Variants in LRRC73 observed in about 807,000 individuals in gnomAD.
The protein encoded by LRRC73 is leucine rich repeat containing 73.
Under a neutral mutation model 26.4 loss-of-function variants are expected in LRRC73, and 16 were observed. The observed-to-expected ratio is 0.61, with a 90% confidence interval of 0.41 to 0.92. The LOEUF (loss-of-function observed/expected upper bound fraction) is 0.92, where lower values mean the gene tolerates loss of function less well. LRRC73 is among the 40% of genes least tolerant of loss of function. The pLI is 0.00. For synonymous variants in LRRC73, 210 were observed against 179.8 expected (o/e 1.17, Z -1.34); for missense variants, 344 against 416.3 (o/e 0.83, Z 1.51).
At chr6:43,507,381 A>C (rs1220431977) in intron 5 of LRRC73, 73 bp from the exon 6 acceptor site, 1 of 1,608,640 alleles carries the variant, frequency 6.2e-7, no homozygotes, top group Non-Finnish European at 8.5e-7. Flanking sequence ...GTGAGAGCCT[A>C]GGTTCTGCAC....
chr6:43,508,953 G>GT, intron 1 of LRRC73, 33 bp from the exon 2 acceptor site: 1 of 1,546,330 alleles, frequency 6.5e-7, no homozygotes, highest in Non-Finnish European at 8.7e-7. Context: ...GGTTACTGCA[G>GT]TCCTCCGCAC....
At chr6:43,509,669 G>A (rs759838744) in exon 1 of LRRC73, 4 of 1,593,424 alleles carry the variant, frequency 2.5e-6, no homozygotes, top group Non-Finnish European at 3.4e-6. Flanking sequence ...GGTCGCAGAG[G>A]CGGCAGCCGC....
chr6:43,507,062 T>C, exon 6 of LRRC73: 1 of 659,126 alleles, frequency 1.5e-6, no homozygotes, highest in Non-Finnish European at 2.6e-6. Flanking sequence ...CCCAAGGCTG[T>C]TGCTCAGTCA....
At chr6:43,508,566 C>A in intron 2 of LRRC73, 146 bp from the exon 3 acceptor site, 1 of 1,410,324 alleles carries the variant, frequency 7.1e-7, no homozygotes, top group Non-Finnish European at 9.7e-7. Context: ...ATTAAGGAGG[C>A]CCATGCTTCC....
chr6:43,509,883 G>T (rs973880379), exon 1 of LRRC73: 2 of 1,165,308 alleles, frequency 1.7e-6, no homozygotes, highest in East Asian at 6.4e-5. Context: ...GCCCCGGCAG[G>T]GGTCGCGGGC....
exon 1 of LRRC73, chr6:43,509,668 G>A: frequency 6.3e-7 from 1 of 1,594,170 alleles, no homozygotes; most frequent in East Asian, 2.3e-5. Context: ...CGGTCGCAGA[G>A]GCGGCAGCCG....
exon 6 of LRRC73, chr6:43,507,248 G>A (rs761034084): frequency 2.5e-6 from 4 of 1,613,898 alleles, no homozygotes; most frequent in Non-Finnish European, 3.4e-6. Flanking sequence ...TCACATCTCG[G>A]TCTCAGCCAA....
At chr6:43,509,125 G>A (rs1792590884) in intron 1 of LRRC73, among the ~76,000 whole-genome samples, 1 of 137,660 alleles carries the variant, frequency 7.3e-6, no homozygotes, top group African/African-American at 2.7e-5. Context: ...AGGGATCCAG[G>A]ACATTGCACA....
exon 6 of LRRC73, chr6:43,507,264 T>C (rs1792519285): frequency 1.2e-6 from 2 of 1,613,978 alleles, no homozygotes. Flanking sequence ...GCCAACAGAC[T>C]GTCCCCTAGT....
intron 3 of LRRC73, 49 bp from the exon 4 acceptor site, chr6:43,507,975 CT>C: frequency 6.6e-7 from 1 of 1,507,084 alleles, no homozygotes; most frequent in Non-Finnish European, 9.2e-7. Context: ...CCTGCTAATC[CT>C]TACAGATAGC....
exon 5 of LRRC73, chr6:43,507,493 G>A: frequency 6.2e-7 from 1 of 1,613,068 alleles, no homozygotes. Context: ...CTCTCTGGTG[G>A]GCAGCAGGCT....
At chr6:43,509,447 G>A (rs1421664465) in intron 1 of LRRC73, 67 bp downstream of exon 1, 2 of 1,518,994 alleles carry the variant, frequency 1.3e-6, no homozygotes, top group Non-Finnish European at 1.8e-6. Context: ...TGGAGGAACA[G>A]GAGGTGCCAG....
chr6:43,507,186 A>G, exon 6 of LRRC73: 1 of 1,594,446 alleles, frequency 6.3e-7, no homozygotes, highest in Non-Finnish European at 8.6e-7. Context: ...ATCTGGGGCA[A>G]GGTGCTCGGG....
At position 43,507,968 on chromosome 6, in the gene LRRC73, G is replaced by C. The variant is rs1331247454; in HGVS notation, c.557-42C>G. The C allele has an allele frequency of 3.2e-6, 5 of 1,540,094 alleles. No individual in the cohort carries two copies. In the African/African-American group the frequency reaches 6.8e-5, roughly 21 times the overall value. On this transcript the variant is annotated intron_variant, in intron 3 of 5. Transcript: ENST00000372441. ...CGTGCACACATTCATACACATGCCT[G>C]CTAATCCTTACAGATAGCTTCCCCA...
At chr6:43,507,359 G>A (rs573749440) in intron 5 of LRRC73, 51 bp from the exon 6 acceptor site, 4 of 1,610,072 alleles carry the variant, frequency 2.5e-6, no homozygotes, top group African/African-American at 1.3e-5. Flanking sequence ...CTCCAATGGG[G>A]ACCACAGATA....
At chr6:43,509,646 C>T (rs897175592) in exon 1 of LRRC73, 1 of 1,598,986 alleles carries the variant, frequency 6.3e-7, no homozygotes, top group Non-Finnish European at 8.5e-7. Flanking sequence ...CCGGCAGATG[C>T]GGCCAAAGTC....
intron 2 of LRRC73, 142 bp from the exon 3 acceptor site, chr6:43,508,562 G>T: frequency 1.4e-6 from 2 of 1,423,850 alleles, no homozygotes; most frequent in Non-Finnish European, 1.9e-6. Flanking sequence ...AGCCATTAAG[G>T]AGGCCCATGC....
At chr6:43,507,217 G>C in exon 6 of LRRC73, 1 of 1,612,864 alleles carries the variant, frequency 6.2e-7, no homozygotes, top group Non-Finnish European at 8.5e-7. Context: ...GTGAAATGGT[G>C]TGCAGAGGCC....
At chr6:43,507,173 G>C in exon 6 of LRRC73, 1 of 1,566,290 alleles carries the variant, frequency 6.4e-7, no homozygotes, top group Non-Finnish European at 8.7e-7. Flanking sequence ...GCCTGACCCT[G>C]ATATCTGGGG....
Sources: allele counts gnomAD v4.1 joint callset (sites outside exome capture counted in the v4.1 genomes callset), GRCh38; gene constraint gnomAD v4.1.1; transcripts MANE v1.5; gene names NCBI Gene and HGNC (gene_info 2026-07-23, HGNC 2026-07-21).